The following ARSB variants were observed in gnomAD, a reference collection of about 807,000 sequenced individuals.
ARSB encodes the protein arylsulfatase B, also known as N-acetylgalactosamine-4-sulfatase.
Under a neutral mutation model 50.9 loss-of-function variants are expected in ARSB, and 41 were observed. The ratio of observed to expected loss-of-function variants is 0.81; its 90% CI spans 0.63 to 1.04. ARSB has a LOEUF of 1.04. Among genes scored for constraint, ARSB ranks in the 50% least tolerant of loss-of-function variants. ARSB has a pLI of 0.00. For missense variants in ARSB, 672 were observed against 693.3 expected (o/e 0.97, Z 0.35); for synonymous variants, 269 against 284.8 (o/e 0.94, Z 0.56).
chr5:78,944,570 G>A (rs1751120614), intron 4 of ARSB, among the ~76,000 whole-genome samples: 1 of 152,220 alleles, frequency 6.6e-6, no homozygotes, highest in Non-Finnish European at 1.5e-5. Context: ...CTGGGTATCA[G>A]CAGTGGAGGC....
chr5:78,911,572 T>TAAAAAAAAAAAAAAAAA lies in ARSB; in HGVS notation c.899-25762_899-25746dup, dbSNP rs71001137. Among the ~76,000 whole-genome samples the TAAAAAAAAAAAAAAAAA allele has an allele frequency of 2.9e-5, 2 of 67,866 alleles. 1 individual carries two copies. The highest frequency in any genetic ancestry group is 1.6e-4 in the African/African-American group (2 of 12,780). 44.5% of individuals were successfully genotyped at this position (67,866 alleles called of 152,430 possible). A position where few individuals can be genotyped will look rare whatever the true frequency, so the allele number is the denominator to read the frequency against. The stretch of plus-strand genomic sequence containing the variant: ...CTGGGGAACAGAGTGAGACTCCCTC[T>TAAAAAAAAAAAAAAAAA]AAAAAAAAAAAAAAAAAAAAAAAAA... On this transcript the variant is annotated intron_variant, in intron 4 of 7. Coordinates refer to ENST00000264914, the MANE Select transcript of ARSB (RefSeq NM_000046.5).
intron 6 of ARSB, among the ~76,000 whole-genome samples, chr5:78,785,312 T>A (rs945213629): frequency 6.6e-6 from 1 of 152,238 alleles, no homozygotes; most frequent in Non-Finnish European, 1.5e-5. Context: ...CAAGCACCAA[T>A]GTAAAAAACA....
intron 6 of ARSB, among the ~76,000 whole-genome samples, chr5:78,827,654 G>A (rs1173637241): frequency 6.6e-6 from 1 of 152,148 alleles, no homozygotes; most frequent in Non-Finnish European, 1.5e-5. Flanking sequence ...GCCCACCCAG[G>A]ACTTCCTCTT....
At chr5:78,947,441 A>G (rs1751294341) in intron 4 of ARSB, among the ~76,000 whole-genome samples, 1 of 152,194 alleles carries the variant, frequency 6.6e-6, no homozygotes, top group Non-Finnish European at 1.5e-5. Flanking sequence ...GGGGAAAAAA[A>G]ATCTAATAAT....
intron 6 of ARSB, among the ~76,000 whole-genome samples, chr5:78,813,205 C>T (rs1165102925): frequency 2.0e-5 from 3 of 151,996 alleles, no homozygotes; most frequent in Non-Finnish European, 2.9e-5. Context: ...GCTGGGATTA[C>T]AGGCATGTGC....
At chr5:78,887,866 G>A (rs910859715) in intron 4 of ARSB, among the ~76,000 whole-genome samples, 1 of 152,102 alleles carries the variant, frequency 6.6e-6, no homozygotes, top group Admixed American at 6.5e-5. Flanking sequence ...CCACAAGTAC[G>A]GTCAACCTCA....
intron 5 of ARSB, among the ~76,000 whole-genome samples, chr5:78,848,640 A>G (rs577653147): frequency 2.0e-5 from 3 of 151,484 alleles, no homozygotes; most frequent in Admixed American, 6.6e-5. Flanking sequence ...CTGAGGAATC[A>G]TCACACTGAC....
chr5:78,895,081 G>C (rs1208919097), intron 4 of ARSB, among the ~76,000 whole-genome samples: 1 of 152,178 alleles, frequency 6.6e-6, no homozygotes, highest in African/African-American at 2.4e-5. Flanking sequence ...AAATGCCCCT[G>C]AGTTACCACA....
At position 78,865,146 on chromosome 5, in the gene ARSB, T is replaced by C. The variant is rs192219483; in HGVS notation, c.1142+20438A>G. Among the ~76,000 whole-genome samples the C allele has an allele frequency of 6.8e-4, 103 of 152,298 alleles. 1 individual carries two copies. The Middle Eastern group carries it at 0.014, about 20-fold the overall frequency. ...TAGGGGTTCTGGCCCCACATTTCCC[T>C]TCCATCCTGCCCTAGCAGAGGTTCT... On this transcript the variant is annotated intron_variant, in intron 5 of 7. Transcript: ENST00000264914.
At chr5:78,856,556 T>C (rs1443098064) in intron 5 of ARSB, among the ~76,000 whole-genome samples, 1 of 152,192 alleles carries the variant, frequency 6.6e-6, no homozygotes, top group Admixed American at 6.5e-5. Context: ...GGAGAAAAAG[T>C]GTATGTTGTA....
intron 5 of ARSB, among the ~76,000 whole-genome samples, chr5:78,869,014 T>A (rs1429474906): frequency 5.3e-5 from 8 of 151,054 alleles, no homozygotes; most frequent in Non-Finnish European, 8.9e-5. Context: ...GTTGCAATCC[T>A]AGTCTCTGAT....
chr5:78,881,543 G>T (rs372569493), intron 5 of ARSB, among the ~76,000 whole-genome samples: 3 of 152,174 alleles, frequency 2.0e-5, no homozygotes, highest in East Asian at 3.9e-4. Context: ...CACATGGAAT[G>T]AATACTTTCA....
intron 5 of ARSB, among the ~76,000 whole-genome samples, chr5:78,871,046 G>T (rs1747137289): frequency 1.3e-5 from 2 of 149,966 alleles, no homozygotes; most frequent in Non-Finnish European, 1.5e-5. Context: ...GCCAAATCAT[G>T]AGTGAACTCC....
At chr5:78,950,551 A>G (rs982212080) in intron 4 of ARSB, among the ~76,000 whole-genome samples, 1 of 152,220 alleles carries the variant, frequency 6.6e-6, no homozygotes, top group Non-Finnish European at 1.5e-5. Flanking sequence ...ATCCTGAGGA[A>G]TGTCCCCAAA....
Position 78,865,965 on chromosome 5 carries a change from T to C in ARSB, c.1142+19619A>G, listed in dbSNP as rs542143664. Reference sequence around the variant, plus strand: ...ATTTTGGGTAAAGCCATTCAACAAATCTCTAGGAGGTTCCAAACTTTCCCA... The same window carrying C: ...ATTTTGGGTAAAGCCATTCAACAAACCTCTAGGAGGTTCCAAACTTTCCCA... On this transcript the variant is annotated intron_variant, in intron 5 of 7. Coordinates refer to ENST00000264914, the MANE Select transcript of ARSB (RefSeq NM_000046.5). Among the ~76,000 whole-genome samples, 111 of 152,252 alleles carry C rather than the reference T, an allele frequency of 7.3e-4. 1 individual carries two copies. The highest frequency in any genetic ancestry group is 2.6e-3 in the African/African-American group (108 of 41,546).
intron 6 of ARSB, among the ~76,000 whole-genome samples, chr5:78,816,489 C>G (rs1365753369): frequency 6.6e-6 from 1 of 152,192 alleles, no homozygotes; most frequent in Non-Finnish European, 1.5e-5. Context: ...CAGGTGGAAC[C>G]AAGGGCTCCA....
intron 6 of ARSB, among the ~76,000 whole-genome samples, chr5:78,793,994 C>T (rs1476588120): frequency 6.6e-6 from 1 of 152,026 alleles, no homozygotes; most frequent in Non-Finnish European, 1.5e-5. Context: ...CACAAAGCAA[C>T]GTAGTACATT....
At chr5:78,903,290 A>G (rs970376851) in intron 4 of ARSB, among the ~76,000 whole-genome samples, 1 of 152,192 alleles carries the variant, frequency 6.6e-6, no homozygotes, top group African/African-American at 2.4e-5. Flanking sequence ...AAGTCTTCCT[A>G]GTGTCACAAG....
intron 1 of ARSB, among the ~76,000 whole-genome samples, chr5:78,977,791 G>C (rs1378250612): frequency 2.6e-5 from 4 of 152,048 alleles, no homozygotes; most frequent in Admixed American, 2.6e-4. Flanking sequence ...CAGATGACAT[G>C]ATCTTGCACT....
Sources: gnomAD v4.1 joint callset for allele counts (sites outside exome capture counted in the v4.1 genomes callset) on GRCh38, gnomAD v4.1.1 for gene constraint, MANE v1.5 for transcripts, NCBI Gene and HGNC (gene_info 2026-07-23, HGNC 2026-07-21) for gene names.